Variants in DTWD2 observed in about 807,000 individuals in gnomAD.
DTWD2 encodes the protein DTW motif tRNA-uridine aminocarboxypropyltransferase 2, also known as tRNA-uridine aminocarboxypropyltransferase 2.
In DTWD2, 39 loss-of-function variants were observed where a neutral mutation model predicts 31.8. That is an observed-to-expected ratio of 1.22 (90% CI 0.95 to 1.60). DTWD2 has a LOEUF of 1.60. DTWD2 is among the 40% of genes most tolerant of loss of function. DTWD2 has a pLI of 0.00. For missense variants in DTWD2, 515 were observed against 381.5 expected (o/e 1.35, Z -2.92); for synonymous variants, 180 against 142.8 (o/e 1.26, Z -1.86).
intron 1 of DTWD2, among the ~76,000 whole-genome samples, chr5:118,945,529 C>A (rs1359615100): frequency 6.6e-6 from 1 of 152,058 alleles, no homozygotes; most frequent in East Asian, 1.9e-4. Flanking sequence ...CTTTGGGAGG[C>A]TGAGGTGGGC....
In DTWD2 at chr5:118,988,321, T is replaced by C; in HGVS notation, c.191A>G (p.Glu64Gly). 1 of 1,535,008 alleles carries C rather than the reference T, an allele frequency of 6.5e-7. No individual in the cohort carries two copies. Among genetic ancestry groups the C allele is most frequent in the South Asian group, 1.2e-5 (1 of 82,538 alleles). Reference protein sequence around the residue: ...GLWELPVEPAERRPECTRCSR... With the variant: ...GLWELPVEPAGRRPECTRCSR... ...GCAGCGGGTGCACTCAGGCCTCCGC[T>C]CGGCCGGCTCCACCGGCAGCTCCCA... The change falls in exon 1 of 6, where the codon GAG becomes GGG. Residue 64 changes from glutamate to glycine, a missense_variant. By Grantham distance (98) the Glu-to-Gly change is moderately conservative. Transcript: ENST00000510708.
Position 118,988,520 on chromosome 5 carries a change from C to A in DTWD2, c.-9G>T. 1 of 1,544,082 alleles carries A rather than the reference C, an allele frequency of 6.5e-7. No homozygotes were observed. Among genetic ancestry groups the A allele is most frequent in the Non-Finnish European group, 8.7e-7 (1 of 1,148,264 alleles). ...TCTTTCTGCGACTCCATGGCGGACA[C>A]TCCGGTCAGGCCGTGGCATTGAAGC... On this transcript the variant is annotated 5_prime_UTR_variant, in exon 1 of 6. Coordinates refer to ENST00000510708, the MANE Select transcript of DTWD2 (RefSeq NM_173666.4).
At chr5:118,877,082 T>C (rs1395195437) in intron 4 of DTWD2, among the ~76,000 whole-genome samples, 1 of 152,158 alleles carries the variant, frequency 6.6e-6, no homozygotes, top group Non-Finnish European at 1.5e-5. Context: ...CACATGCAAA[T>C]CAATAAATGT....
At chr5:118,920,909 G>A (rs1313314646) in intron 4 of DTWD2, among the ~76,000 whole-genome samples, 2 of 152,270 alleles carry the variant, frequency 1.3e-5, no homozygotes, top group East Asian at 3.9e-4. Context: ...ATGTAACCCA[G>A]TAAGAGAAGT....
At chr5:118,860,737 T>C (rs1752241574) in intron 4 of DTWD2, among the ~76,000 whole-genome samples, 1 of 152,182 alleles carries the variant, frequency 6.6e-6, no homozygotes. Flanking sequence ...ATAATTTTAA[T>C]ATGCAGTATT....
chr5:118,914,925 A>C (rs1753539546), intron 4 of DTWD2, among the ~76,000 whole-genome samples: 1 of 152,286 alleles, frequency 6.6e-6, no homozygotes, highest in East Asian at 1.9e-4. Flanking sequence ...TCCTTATAAA[A>C]CAAAAATATA....
intron 1 of DTWD2, among the ~76,000 whole-genome samples, chr5:118,949,651 G>A (rs1238468670): frequency 2.0e-5 from 3 of 152,166 alleles, no homozygotes; most frequent in African/African-American, 7.2e-5. Context: ...CATTGAGTGG[G>A]GTAAGGGTGA....
intron 4 of DTWD2, among the ~76,000 whole-genome samples, chr5:118,890,760 G>A (rs988870564): frequency 2.0e-5 from 3 of 151,770 alleles, no homozygotes; most frequent in Admixed American, 6.6e-5. Flanking sequence ...TAGTAGAGAC[G>A]GGGTTTCGCC....
At chr5:118,857,899 CTCTTACA>C (rs1752175390) in intron 4 of DTWD2, among the ~76,000 whole-genome samples, 1 of 152,260 alleles carries the variant, frequency 6.6e-6, no homozygotes. Flanking sequence ...TTACTGCTTC[CTCTTACA>C]TATCTGCCAT....
chr5:118,865,797 C>T (rs1752368262), intron 4 of DTWD2, among the ~76,000 whole-genome samples: 2 of 151,962 alleles, frequency 1.3e-5, no homozygotes, highest in Admixed American at 1.3e-4. Context: ...TCATTTTTTT[C>T]ATAAAGAATA....
intron 1 of DTWD2, among the ~76,000 whole-genome samples, chr5:118,945,764 CA>C (rs748130109): frequency 5.0e-4 from 29 of 57,688 alleles, no homozygotes; most frequent in Non-Finnish European, 5.8e-4. Context: ...GACTCCAACT[CA>C]AAAAAAAAAA....
At chr5:118,845,854 G>C (rs1461757732) in intron 5 of DTWD2, among the ~76,000 whole-genome samples, 1 of 151,400 alleles carries the variant, frequency 6.6e-6, no homozygotes, top group African/African-American at 2.4e-5. Flanking sequence ...CCTTTTTTTT[G>C]TTTGTTTGTT....
At chr5:118,906,819 C>G (rs1753344570) in intron 4 of DTWD2, among the ~76,000 whole-genome samples, 1 of 152,048 alleles carries the variant, frequency 6.6e-6, no homozygotes, top group Admixed American at 6.5e-5. Context: ...GCAAACTGCA[C>G]ACTTTAAACA....
chr5:118,942,578 G>A (rs781417636), intron 2 of DTWD2, among the ~76,000 whole-genome samples: 4 of 151,580 alleles, frequency 2.6e-5, no homozygotes, highest in Non-Finnish European at 2.9e-5. Context: ...GGGAGGCTGA[G>A]GCAGGAGGAT....
chr5:118,956,717 CA>C (rs531057864), intron 1 of DTWD2, among the ~76,000 whole-genome samples: 165 of 152,120 alleles, frequency 1.1e-3, no homozygotes, highest in South Asian at 5.2e-3. Context: ...GAGTACTAAA[CA>C]AAAGCAAATG....
chr5:118,840,854 T>G lies in DTWD2; in HGVS notation c.*63A>C, dbSNP rs540687019. The stretch of plus-strand genomic sequence containing the variant: ...CAAAAACCTACAGACCTTAACTATA[T>G]GAAAACTTAATTTGGTATTGTTAGA... On this transcript the variant is annotated 3_prime_UTR_variant, in exon 6 of 6. Transcript: ENST00000510708. The G allele has an allele frequency of 3.0e-5, 47 of 1,545,844 alleles. No individual in the cohort carries two copies. The Admixed American group carries it at 6.9e-4, about 23-fold the overall frequency.
intron 1 of DTWD2, among the ~76,000 whole-genome samples, chr5:118,964,987 G>C (rs961833127): frequency 5.3e-5 from 8 of 151,904 alleles, no homozygotes; most frequent in Non-Finnish European, 1.0e-4. Flanking sequence ...TCCCATCTAC[G>C]AAGTGAGGAG....
At chr5:118,902,992 A>G (rs141324499) in intron 4 of DTWD2, among the ~76,000 whole-genome samples, 6 of 152,210 alleles carry the variant, frequency 3.9e-5, no homozygotes, top group African/African-American at 4.8e-5. Context: ...GCACATCATA[A>G]CTAAAACAGA....
chr5:118,972,942 G>C (rs960732688), intron 1 of DTWD2, among the ~76,000 whole-genome samples: 2 of 152,178 alleles, frequency 1.3e-5, no homozygotes, highest in African/African-American at 2.4e-5. Flanking sequence ...ATTTAGGATA[G>C]TTAGCTCTTC....
Sources: gnomAD v4.1 joint callset for allele counts (sites outside exome capture counted in the v4.1 genomes callset) on GRCh38, gnomAD v4.1.1 for gene constraint, MANE v1.5 for transcripts, NCBI Gene and HGNC (gene_info 2026-07-23, HGNC 2026-07-21) for gene names.